NCOA6: variants seen among roughly 807,000 people sequenced by gnomAD.
NCOA6 encodes nuclear receptor coactivator 6, also known as NRC RAP250.
NCOA6 carries 49 observed loss-of-function variants against 171.4 expected under a neutral mutation model. That is an observed-to-expected ratio of 0.29 (90% CI 0.23 to 0.36). NCOA6 has a LOEUF of 0.36. Ranked by LOEUF, NCOA6 falls within the 10% of genes least tolerant of loss-of-function variation. The pLI is 1.00. For synonymous variants in NCOA6, 910 were observed against 927.5 expected (o/e 0.98, Z 0.34); for missense variants, 2,248 against 2,554.5 (o/e 0.88, Z 2.59).
At chr20:34,750,994 C>T (rs2076460155) in intron 8 of NCOA6, among the ~76,000 whole-genome samples, 1 of 151,638 alleles carries the variant, frequency 6.6e-6, no homozygotes, top group African/African-American at 2.4e-5. Context: ...AGCCTGGTGA[C>T]AGAGTGAAAC....
chr20:34,797,696 T>C (rs954081251), intron 1 of NCOA6, among the ~76,000 whole-genome samples: 1 of 152,048 alleles, frequency 6.6e-6, no homozygotes, highest in Non-Finnish European at 1.5e-5. Context: ...CAGACCAGCC[T>C]GGCCAACATG....
intron 1 of NCOA6, among the ~76,000 whole-genome samples, chr20:34,806,695 T>C (rs2146546127): frequency 6.6e-6 from 1 of 152,338 alleles, no homozygotes; most frequent in African/African-American, 2.4e-5. Flanking sequence ...GGCGTCTCTG[T>C]TGAAAATCAG....
At chr20:34,723,387 C>T (rs1430737569) in intron 14 of NCOA6, among the ~76,000 whole-genome samples, 2 of 152,130 alleles carry the variant, frequency 1.3e-5, no homozygotes, top group Admixed American at 1.3e-4. Context: ...GAGAGTATAG[C>T]AGGAGAAACT....
At chr20:34,782,767 A>G (rs1221820166) in intron 2 of NCOA6, among the ~76,000 whole-genome samples, 1 of 152,030 alleles carries the variant, frequency 6.6e-6, no homozygotes, top group East Asian at 1.9e-4. Flanking sequence ...GCTCCCCAAG[A>G]CTCCCCCTAC....
chr20:34,762,015 T>C (rs1286499053), intron 5 of NCOA6, among the ~76,000 whole-genome samples: 1 of 152,176 alleles, frequency 6.6e-6, no homozygotes. Context: ...AAGCTCTCCT[T>C]TATCCTTACT....
At chr20:34,771,438 G>T (rs142296468) in intron 4 of NCOA6, among the ~76,000 whole-genome samples, 27 of 152,266 alleles carry the variant, frequency 1.8e-4, no homozygotes, top group African/African-American at 5.8e-4. Context: ...CCCAGCCAAT[G>T]TAAGAATTAT....
intron 1 of NCOA6, among the ~76,000 whole-genome samples, chr20:34,799,432 T>C (rs1229405033): frequency 2.6e-5 from 4 of 152,098 alleles, no homozygotes; most frequent in African/African-American, 7.2e-5. Flanking sequence ...AAATGAATAA[T>C]AACAGAGAAT....
At chr20:34,756,868 CTTAAT>C (rs1212158808) in intron 7 of NCOA6, among the ~76,000 whole-genome samples, 2 of 152,122 alleles carry the variant, frequency 1.3e-5, no homozygotes, top group African/African-American at 2.4e-5. Flanking sequence ...ATTGCATAAT[CTTAAT>C]TTTTCAGCAA....
At chr20:34,812,093 CAAAAA>C in intron 1 of NCOA6, among the ~76,000 whole-genome samples, 1 of 147,918 alleles carries the variant, frequency 6.8e-6, no homozygotes, top group South Asian at 2.1e-4. Flanking sequence ...ACTAAAAATA[CAAAAA>C]AAAAATTAGC....
Position 34,715,034 on chromosome 20 carries a change from T to C in NCOA6, c.*288A>G, listed in dbSNP as rs1988363757. 5.3e-6 allele frequency: 2 copies of C among 379,156 alleles called. No individual in the cohort carries two copies. Among genetic ancestry groups the C allele is most frequent in the Non-Finnish European group, 1.0e-5 (2 of 199,550 alleles). 23.5% of individuals were successfully genotyped at this position (379,156 alleles called of 1,614,324 possible). A position where few individuals can be genotyped will look rare whatever the true frequency, so the allele number is the denominator to read the frequency against. The stretch of plus-strand genomic sequence containing the variant: ...ATCTAAAAATGCTCACCCTGTACTC[T>C]AGGCTGCTTAGGAAATGTGAAAACT... On this transcript the variant is annotated 3_prime_UTR_variant, in exon 15 of 15. Transcript: ENST00000359003.
intron 2 of NCOA6, among the ~76,000 whole-genome samples, chr20:34,785,703 C>A (rs1456136680): frequency 2.6e-5 from 4 of 151,974 alleles, no homozygotes; most frequent in African/African-American, 9.7e-5. Flanking sequence ...GAAACATTTT[C>A]CAAAAGAATC....
At chr20:34,751,093 G>A (rs941024195) in intron 8 of NCOA6, among the ~76,000 whole-genome samples, 3 of 151,896 alleles carry the variant, frequency 2.0e-5, no homozygotes, top group Non-Finnish European at 4.4e-5. Context: ...AGTGTCGGCC[G>A]GGCGCGGTGG....
At position 34,758,185 on chromosome 20, in the gene NCOA6, A is replaced by G; in HGVS notation, c.644-81T>C. On this transcript the variant is annotated intron_variant, in intron 6 of 14. Coordinates refer to ENST00000359003, the MANE Select transcript of NCOA6 (RefSeq NM_014071.5). ...AGAAGTGGCCTTTGTAATTCTGGATATACAGAGCAAAATCTGCTGGTACTA... is the reference window on the plus strand; with the variant it reads ...AGAAGTGGCCTTTGTAATTCTGGATGTACAGAGCAAAATCTGCTGGTACTA... 6 of 1,506,638 alleles carry G rather than the reference A, an allele frequency of 4.0e-6. No individual in the cohort carries two copies. In the South Asian group the frequency reaches 8.0e-5, roughly 20 times the overall value. 93.3% of individuals were successfully genotyped at this position (1,506,638 alleles called of 1,614,324 possible). A position where few individuals can be genotyped will look rare whatever the true frequency, so the allele number is the denominator to read the frequency against.
intron 9 of NCOA6, among the ~76,000 whole-genome samples, chr20:34,747,683 G>A (rs950301266): frequency 2.6e-5 from 4 of 151,822 alleles, no homozygotes; most frequent in Non-Finnish European, 4.4e-5. Context: ...CCACTTTTAG[G>A]TAGTGTTTTG....
At chr20:34,722,823 TA>T (rs71196758) in intron 14 of NCOA6, among the ~76,000 whole-genome samples, 11 of 151,264 alleles carry the variant, frequency 7.3e-5, no homozygotes, top group African/African-American at 2.4e-4. Context: ...CCATCTCTAC[TA>T]AAAAAAATAC....
intron 2 of NCOA6, among the ~76,000 whole-genome samples, chr20:34,788,067 G>A (rs911975752): frequency 2.0e-5 from 3 of 152,174 alleles, no homozygotes; most frequent in East Asian, 1.9e-4. Flanking sequence ...GAGTTTCACC[G>A]TGTTGCCCAG....
At chr20:34,723,477 C>T (rs1383538481) in intron 14 of NCOA6, among the ~76,000 whole-genome samples, 2 of 152,162 alleles carry the variant, frequency 1.3e-5, no homozygotes, top group Non-Finnish European at 2.9e-5. Flanking sequence ...GCGACTGATG[C>T]GGATATCTAT....
chr20:34,774,664 T>G lies in NCOA6; in HGVS notation c.391+1629A>C, dbSNP rs189431659. On this transcript the variant is annotated intron_variant, in intron 4 of 14. Transcript: ENST00000359003. ...AAGTGGAAGGGAAAGCTGGAATTGC[T>G]GGTTGTCACCTGGCTGTATCAACAC... Among the ~76,000 whole-genome samples, 13 of 152,342 alleles carry G rather than the reference T, an allele frequency of 8.5e-5. No individual in the cohort carries two copies. In the East Asian group the frequency reaches 1.9e-3, roughly 23 times the overall value.
intron 8 of NCOA6, among the ~76,000 whole-genome samples, chr20:34,753,189 G>A (rs1305441284): frequency 6.6e-6 from 1 of 150,654 alleles, no homozygotes; most frequent in Non-Finnish European, 1.5e-5. Context: ...GGGATTACAA[G>A]CGTCCGCCAC....
Sources: allele counts gnomAD v4.1 joint callset (sites outside exome capture counted in the v4.1 genomes callset), GRCh38; gene constraint gnomAD v4.1.1; transcripts MANE v1.5; gene names NCBI Gene and HGNC (gene_info 2026-07-23, HGNC 2026-07-21).